USP9X: variants seen among roughly 807,000 people sequenced by gnomAD.
The protein encoded by USP9X is ubiquitin carboxyl-terminal hydrolase 9X.
Under a neutral mutation model 190.3 loss-of-function variants are expected in USP9X, and 7 were observed. The observed-to-expected ratio is 0.04, with a 90% CI of 0.02 to 0.07. The LOEUF is 0.07. Ranked by LOEUF, USP9X falls within the 10% of genes least tolerant of loss-of-function variation. The pLI is 1.00. For missense variants in USP9X, 1,010 were observed against 1,916.9 expected, an observed-to-expected ratio of 0.53 and a Z score of 8.83; for synonymous variants, 645 against 659.5, an observed-to-expected ratio of 0.98 and a Z score of 0.34.
At chrX:41,187,064 C>G (rs754492305) in intron 24 of USP9X, among the ~76,000 whole-genome samples, 6 of 110,265 alleles carry the variant, frequency 5.4e-5, no homozygotes, top group Non-Finnish European at 1.1e-4. Context: ...AACTCCTGAC[C>G]TCTGGTGATC....
chrX:41,200,231 T>C (rs2063029712), intron 30 of USP9X, among the ~76,000 whole-genome samples: 1 of 111,097 alleles, frequency 9.0e-6, no homozygotes, highest in Admixed American at 9.6e-5. Context: ...TTTTTTAACT[T>C]AATGGGGGTT....
intron 21 of USP9X, among the ~76,000 whole-genome samples, chrX:41,181,435 C>CCTTTT (rs1194811241): frequency 8.0e-4 from 31 of 38,571 alleles, no homozygotes; most frequent in South Asian, 3.0e-3. Flanking sequence ...CCACACCTGA[C>CCTTTT]TTTTTTTTTT....
chrX:41,104,794 A>G lies in USP9X; in HGVS notation c.-158-18677A>G, dbSNP rs756136998. 3.4e-4 allele frequency among the ~76,000 whole-genome samples: 37 copies of G among 110,234 alleles called. No homozygotes were observed. The South Asian group carries it at 5.3e-3, about 16-fold the overall frequency. On this transcript the variant is annotated intron_variant, in intron 1 of 44. Transcript: ENST00000378308. ...GAGGTATTAGCCATCTTGAGAGAGA[A>G]AAAAAAAAGATACCTGGAGTTAGAA...
chrX:41,196,313 A>C lies in USP9X; in HGVS notation c.4040A>C (p.His1347Pro), dbSNP rs762515825. The C allele has an allele frequency of 3.3e-6, 4 of 1,209,977 alleles. No individual in the cohort carries two copies. Among genetic ancestry groups the C allele is most frequent in the Non-Finnish European group, 4.5e-6 (4 of 895,252 alleles). The change falls in exon 27 of 45, where the codon CAC becomes CCC. Residue 1347 changes from histidine (H) to proline (P), a missense_variant. Physicochemically the swap from His to Pro is moderately conservative, Grantham distance 77. Around this residue, in one of 11 missense-constraint regions of USP9X, gnomAD observed 351 missense variants for 480.8 expected, o/e 0.73. Transcript: ENST00000378308. ...ATGTGCACCAGATGTTGCATGGGACACCGGCCTCTACTTTTCTTCATTACT... is the reference window on the plus strand; with the variant it reads ...ATGTGCACCAGATGTTGCATGGGACCCCGGCCTCTACTTTTCTTCATTACT... ...FLMCTRCCMG[H>P]RPLLFFITLL...
Position 41,235,561 on chromosome X carries a change from C to A in USP9X, c.*3037C>A, listed in dbSNP as rs1246726758. ...GACTGAAGATATTTTAGTTGTAAAA[C>A]CATGTGAACAAGGGCTTTTGCCCTA... On this transcript the variant is annotated 3_prime_UTR_variant, in exon 45 of 45. Coordinates refer to ENST00000378308, the MANE Select transcript of USP9X (RefSeq NM_001039591.3). The A allele has an allele frequency of 1.3e-4, 15 of 112,953 alleles. No individual in the cohort carries two copies. The highest frequency in any genetic ancestry group is 1.9e-5 in the Non-Finnish European group (1 of 53,318). 9.3% of individuals were successfully genotyped at this position (112,953 alleles called of 1,213,427 possible).
At chrX:41,104,424 A>C (rs760256194) in intron 1 of USP9X, among the ~76,000 whole-genome samples, 36 of 112,156 alleles carry the variant, frequency 3.2e-4, no homozygotes, top group African/African-American at 1.1e-3. Context: ...ATAATTTTAA[A>C]ATGTGGTAGG....
At chrX:41,207,017 C>G (rs2063104729) in intron 32 of USP9X, among the ~76,000 whole-genome samples, 2 of 103,324 alleles carry the variant, frequency 1.9e-5, no homozygotes, top group South Asian at 8.8e-4. Flanking sequence ...AACTCCTGAC[C>G]TCAGGTGATC....
intron 18 of USP9X, 47 bp from the exon 19 acceptor site, chrX:41,169,948 C>T (rs1316336333): frequency 1.7e-6 from 2 of 1,191,848 alleles, no homozygotes; most frequent in South Asian, 1.9e-5. Context: ...AACAAAATTT[C>T]AGAGTCTGCT....
chrX:41,232,435 A>G lies in USP9X; in HGVS notation c.7576A>G (p.Met2526Val). The G allele has an allele frequency of 3.3e-6, 4 of 1,211,520 alleles. No homozygotes were observed. The highest frequency in any genetic ancestry group is 4.5e-6 in the Non-Finnish European group (4 of 895,410). The change falls in exon 45 of 45, where the codon ATG becomes GTG. Residue 2526 changes from methionine (M) to valine (V), a missense_variant. Coordinates refer to ENST00000378308, the MANE Select transcript of USP9X (RefSeq NM_001039591.3). Reference protein sequence around the residue: ...QPYTGPAAHHMNNPQRTGQRA... With the variant: ...QPYTGPAAHHVNNPQRTGQRA... ...ATATACAGGCCCAGCAGCACATCAC[A>G]TGAACAACCCTCAGAGAACTGGCCA... is the stretch of plus-strand genomic sequence containing the variant.
chrX:41,184,496 C>A lies in USP9X; in HGVS notation c.3379C>A (p.Leu1127Met), dbSNP rs752427844. The A allele has an allele frequency of 3.3e-6, 4 of 1,210,995 alleles. No homozygotes were observed. Among genetic ancestry groups the A allele is most frequent in the Non-Finnish European group, 4.5e-6 (4 of 895,361 alleles). Residue 1127 changes from leucine (L) to methionine (M), a missense_variant, in exon 23 of 45, where the codon CTG (leucine) becomes ATG (methionine). Physicochemically the swap from Leu to Met is conservative, Grantham distance 15. Around this residue, in one of 11 missense-constraint regions of USP9X, gnomAD observed 351 missense variants for 480.8 expected, o/e 0.73. Transcript: ENST00000378308. ...GAAAAGTGGTGGCCTACCCCTTGTA[C>A]TGAGTATGCTAACCAGAAATAACTT... ...FLKSGGLPLV[L>M]SMLTRNNFLP...
At chrX:41,098,642 G>A (rs778816897) in intron 1 of USP9X, among the ~76,000 whole-genome samples, 5 of 107,401 alleles carry the variant, frequency 4.7e-5, no homozygotes, top group African/African-American at 1.7e-4. Context: ...TGCAACGTCC[G>A]CCTCCCAGGT....
Position 41,173,698 on chromosome X carries a change from A to G in USP9X, c.3148+1740A>G, listed in dbSNP as rs773114377. Among the ~76,000 whole-genome samples, 14 of 112,133 alleles carry G rather than the reference A, an allele frequency of 1.2e-4. No individual in the cohort carries two copies. The South Asian group carries it at 5.2e-3, about 42-fold the overall frequency. ...GCAAAAAGATATAGTTCAAACTCAG[A>G]TATAGTCAGCCCTCCATATACATGG... On this transcript the variant is annotated intron_variant, in intron 21 of 44. Coordinates refer to ENST00000378308, the MANE Select transcript of USP9X (RefSeq NM_001039591.3).
At chrX:41,117,579 C>CT (rs746348929) in intron 1 of USP9X, among the ~76,000 whole-genome samples, 3,051 of 75,956 alleles carry the variant, frequency 0.04, 154 homozygotes, top group African/African-American at 0.13. Flanking sequence ...TTTTCTTCTT[C>CT]TTTTTTTTTT....
rs2062438350 is a variant in USP9X at position 41,143,293 on chromosome X, A to G, written c.1164A>G (p.Glu388=). Residue 388 remains glutamate, a splice_region_variant and synonymous_variant, in exon 10 of 45, where the codon GAA becomes GAG. Coordinates refer to ENST00000378308, the MANE Select transcript of USP9X (RefSeq NM_001039591.3). The part of the protein sequence containing the change: ...EEWLTAERMA[E]WIQQNNILSI... ...CACGTTTTTGAATTAACATTTAGGAATGGATACAGCAGAACAATATCTTAT... is the reference window on the plus strand; with the variant it reads ...CACGTTTTTGAATTAACATTTAGGAGTGGATACAGCAGAACAATATCTTAT... 8.7e-7 allele frequency: 1 copy of G among 1,146,871 alleles called. No homozygotes were observed. The highest frequency in any genetic ancestry group is 1.2e-6 in the Non-Finnish European group (1 of 861,749). 94.5% of individuals were successfully genotyped at this position (1,146,871 alleles called of 1,213,427 possible). A position where few individuals can be genotyped will look rare whatever the true frequency, so the allele number is the denominator to read the frequency against.
At position 41,129,209 on chromosome X, in the gene USP9X, A is replaced by G. The variant is rs1002380167; in HGVS notation, c.242+64A>G. ...GGAAAGTAACCCCACTGCCTCCTTA[A>G]TAGTCTTTATAGCTTCGTCACTGCC... On this transcript the variant is annotated intron_variant, in intron 3 of 44. Transcript: ENST00000378308. 4.9e-5 allele frequency: 52 copies of G among 1,067,132 alleles called. No individual in the cohort carries two copies. In the South Asian group the frequency reaches 1.0e-3, roughly 21 times the overall value. 87.9% of individuals were successfully genotyped at this position (1,067,132 alleles called of 1,213,427 possible).
At chrX:41,230,441 A>T in intron 43 of USP9X, 60 bp from the exon 44 acceptor site, 1 of 1,068,619 alleles carries the variant, frequency 9.4e-7, no homozygotes, top group Non-Finnish European at 1.3e-6. Context: ...AAATAGAAAA[A>T]GTTAAAAGTA....
At chrX:41,123,806 G>T (rs2062211172) in intron 2 of USP9X, 82 bp downstream of exon 2, 1 of 935,882 alleles carries the variant, frequency 1.1e-6, no homozygotes, top group African/African-American at 2.0e-5. Flanking sequence ...ACTTTGGGAG[G>T]TTGAGGCAGG....
Position 41,184,073 on chromosome X carries a change from C to G in USP9X, c.3224C>G (p.Ser1075Cys), listed in dbSNP as rs372104173. The change falls in exon 22 of 45, where the codon TCT becomes TGT. Residue 1075 changes from serine to cysteine, a missense_variant. This residue lies in a region of USP9X where 351 missense variants were observed against 480.8 expected (regional missense o/e 0.73). Coordinates refer to ENST00000378308, the MANE Select transcript of USP9X (RefSeq NM_001039591.3). Reference sequence around the variant, plus strand: ...CTTGGAGAAAGCAGCCTTAGTCCATCTCTTGACTCACTTTTCTTTGGTCCT... The same window carrying G: ...CTTGGAGAAAGCAGCCTTAGTCCATGTCTTGACTCACTTTTCTTTGGTCCT... ...AKLGESSLSP[S>C]LDSLFFGPSA... The G allele has an allele frequency of 1.7e-6, 2 of 1,210,487 alleles. No individual in the cohort carries two copies. The highest frequency in any genetic ancestry group is 2.2e-6 in the Non-Finnish European group (2 of 894,873).
intron 32 of USP9X, among the ~76,000 whole-genome samples, chrX:41,209,796 A>G (rs2063143068): frequency 8.9e-6 from 1 of 112,597 alleles, no homozygotes. Context: ...ACAAAAGTAT[A>G]AACAGACAGT....
Sources: gnomAD v4.1 joint callset for allele counts (sites outside exome capture counted in the v4.1 genomes callset) on GRCh38, gnomAD v4.1.1 for gene constraint, gnomAD v4.1.1 regional missense constraint, MANE v1.5 for transcripts, NCBI Gene and HGNC (gene_info 2026-07-23, HGNC 2026-07-21) for gene names.